Variants in ATE1 observed in about 807,000 individuals in gnomAD.
ATE1 encodes arginyltransferase 1.
Under a neutral mutation model 70.5 loss-of-function variants are expected in ATE1, and 36 were observed. The observed-to-expected ratio is 0.51, with a 90% CI of 0.39 to 0.67. ATE1 has a LOEUF of 0.67. Among genes scored for constraint, ATE1 ranks in the 30% least tolerant of loss-of-function variants. The pLI, the probability that ATE1 is intolerant of heterozygous loss-of-function variation, is 0.00. For synonymous variants in ATE1, 232 were observed against 219.3 expected (o/e 1.06, Z -0.51); for missense variants, 593 against 629.5 (o/e 0.94, Z 0.62).
intron 11 of ATE1, among the ~76,000 whole-genome samples, chr10:121,761,987 T>C (rs1945060098): frequency 6.6e-6 from 1 of 152,144 alleles, no homozygotes; most frequent in Admixed American, 6.5e-5. Context: ...CATTCCCTCA[T>C]CTCCCACTCA....
Position 121,897,612 on chromosome 10 carries a change from G to A in ATE1, c.942+2254C>T, listed in dbSNP as rs529064375. On this transcript the variant is annotated intron_variant, in intron 7 of 11. Transcript: ENST00000224652. ...GGGAGGCCAAGGAGGAAGACCACAA[G>A]ATCAAGAGATCAAGACCAACCTAGC... 3.9e-5 allele frequency among the ~76,000 whole-genome samples: 6 copies of A among 152,238 alleles called. No individual in the cohort carries two copies. In the South Asian group the frequency reaches 1.2e-3, roughly 32 times the overall value.
chr10:121,786,628 C>G (rs1362512143), intron 11 of ATE1, among the ~76,000 whole-genome samples: 1 of 145,566 alleles, frequency 6.9e-6, no homozygotes, highest in Non-Finnish European at 1.5e-5. Context: ...AAGATCATAC[C>G]AGCCTGGCCT....
chr10:121,751,916 G>A (rs937668695), intron 11 of ATE1, among the ~76,000 whole-genome samples: 5 of 152,052 alleles, frequency 3.3e-5, no homozygotes, highest in Admixed American at 2.0e-4. Context: ...CAATGTGGCC[G>A]GGCGTGGTGG....
intron 11 of ATE1, among the ~76,000 whole-genome samples, chr10:121,752,175 C>T (rs1353847634): frequency 9.3e-5 from 13 of 139,696 alleles, no homozygotes; most frequent in Admixed American, 2.2e-4. Flanking sequence ...CCAGCCTGGG[C>T]GACAGAGTGA....
chr10:121,825,250 C>A (rs1031839260), intron 10 of ATE1, among the ~76,000 whole-genome samples: 6 of 152,078 alleles, frequency 3.9e-5, no homozygotes, highest in African/African-American at 1.2e-4. Context: ...CAATTAAAAT[C>A]TGAATGAAGG....
At chr10:121,805,587 C>CTAAAATGGTACTAATACTT (rs1947063962) in intron 10 of ATE1, among the ~76,000 whole-genome samples, 1 of 152,126 alleles carries the variant, frequency 6.6e-6, no homozygotes, top group African/African-American at 2.4e-5. Context: ...CTTAACTCTG[C>CTAAAATGGTACTAATACTT]TAAAATGGTA....
At chr10:121,811,470 T>G (rs1947316500) in intron 10 of ATE1, among the ~76,000 whole-genome samples, 1 of 152,230 alleles carries the variant, frequency 6.6e-6, no homozygotes, top group African/African-American at 2.4e-5. Flanking sequence ...GAAGGCTTTT[T>G]GAATATTTGG....
intron 10 of ATE1, among the ~76,000 whole-genome samples, chr10:121,818,921 T>C (rs1463297670): frequency 6.6e-6 from 1 of 152,234 alleles, no homozygotes; most frequent in Non-Finnish European, 1.5e-5. Context: ...AGTGGAATTG[T>C]ATTTTAAAGT....
intron 11 of ATE1, among the ~76,000 whole-genome samples, chr10:121,779,150 T>C (rs1945874639): frequency 6.6e-6 from 1 of 152,222 alleles, no homozygotes; most frequent in Admixed American, 6.5e-5. Context: ...GTCATCTTGG[T>C]ACATTTATCC....
intron 8 of ATE1, among the ~76,000 whole-genome samples, chr10:121,861,201 C>T (rs1202903251): frequency 6.6e-6 from 1 of 152,144 alleles, no homozygotes; most frequent in Non-Finnish European, 1.5e-5. Context: ...CAAAAGATGT[C>T]TTAAATGACT....
Position 121,790,175 on chromosome 10 carries a change from C to T in ATE1, c.1372G>A (p.Glu458Lys), listed in dbSNP as rs755232792. The change falls in exon 11 of 12, where the codon GAA becomes AAA. Residue 458 changes from glutamate to lysine, a missense_variant. By Grantham distance (56) the Glu-to-Lys change is moderately conservative. Around this residue, in one of 3 missense-constraint regions of ATE1, gnomAD observed 90 missense variants for 93.7 expected, o/e 0.96. Coordinates refer to ENST00000224652, the MANE Select transcript of ATE1 (RefSeq NM_001001976.3). ...SKYCRFNQDP[E>K]AVDEDRSTEP... ...AGCTCAGCTCCAAACATACCTGCTT[C>T]TGGGTCCTGGTTGAAACGGCAGTAC... is the stretch of plus-strand genomic sequence containing the variant. The T allele has an allele frequency of 5.6e-6, 9 of 1,613,980 alleles. No individual in the cohort carries two copies. Among genetic ancestry groups the T allele is most frequent in the South Asian group, 1.1e-5 (1 of 91,064 alleles).
At chr10:121,912,515 G>C (rs931761450) in intron 4 of ATE1, among the ~76,000 whole-genome samples, 4 of 151,494 alleles carry the variant, frequency 2.6e-5, no homozygotes, top group Non-Finnish European at 5.9e-5. Flanking sequence ...AGCCAGATGT[G>C]GTGGCGGGTG....
intron 1 of ATE1, 83 bp downstream of exon 1, chr10:121,927,761 C>A: frequency 2.1e-6 from 3 of 1,448,308 alleles, no homozygotes; most frequent in South Asian, 2.7e-5. Context: ...GGGCTCCGGC[C>A]CCCTCGCGTC....
intron 10 of ATE1, among the ~76,000 whole-genome samples, chr10:121,813,376 G>A (rs769003107): frequency 1.2e-4 from 19 of 152,038 alleles, no homozygotes; most frequent in Non-Finnish European, 2.2e-4. Flanking sequence ...ATTTATTTGC[G>A]GTCAAGTACT....
intron 7 of ATE1, among the ~76,000 whole-genome samples, chr10:121,879,125 T>A (rs571473447): frequency 4.6e-5 from 7 of 152,062 alleles, no homozygotes; most frequent in East Asian, 1.9e-4. Context: ...GGGATTTTTT[T>A]AAAAAAACTT....
At chr10:121,920,207 G>A (rs1287042594) in intron 3 of ATE1, among the ~76,000 whole-genome samples, 2 of 151,922 alleles carry the variant, frequency 1.3e-5, no homozygotes, top group African/African-American at 2.4e-5. Flanking sequence ...AAAGGTTCAG[G>A]TGCAGTAGTA....
chr10:121,842,337 C>T (rs1416858696), intron 8 of ATE1, among the ~76,000 whole-genome samples: 2 of 152,152 alleles, frequency 1.3e-5, no homozygotes, highest in Non-Finnish European at 2.9e-5. Flanking sequence ...TATCAAGGAG[C>T]ATAAAACAGC....
chr10:121,825,169 T>C (rs1030025947), intron 10 of ATE1, among the ~76,000 whole-genome samples: 6 of 151,772 alleles, frequency 4.0e-5, no homozygotes, highest in African/African-American at 1.5e-4. Context: ...AATAATATAG[T>C]TTCCACTAAT....
At chr10:121,888,528 A>C (rs1341642093) in intron 7 of ATE1, among the ~76,000 whole-genome samples, 2 of 152,210 alleles carry the variant, frequency 1.3e-5, no homozygotes, top group Admixed American at 6.5e-5. Context: ...GCTGCTTGAT[A>C]TGATACAGTA....
Sources: allele counts gnomAD v4.1 joint callset (sites outside exome capture counted in the v4.1 genomes callset), GRCh38; gene constraint gnomAD v4.1.1; regional missense constraint gnomAD v4.1.1; transcripts MANE v1.5; gene names NCBI Gene and HGNC (gene_info 2026-07-23, HGNC 2026-07-21).